The following ADGRB3 variants were observed in gnomAD, a reference collection of about 807,000 sequenced individuals.
ADGRB3 encodes the protein brain-specific angiogenesis inhibitor 3.
Under a neutral mutation model 193.4 loss-of-function variants are expected in ADGRB3, and 37 were observed. The observed-to-expected ratio is 0.19, with a 90% CI of 0.15 to 0.25. ADGRB3 has a LOEUF of 0.25. Among genes scored for constraint, ADGRB3 ranks in the 10% least tolerant of loss-of-function variants. The pLI, the probability that ADGRB3 is intolerant of heterozygous loss-of-function variation, is 1.00. For missense variants in ADGRB3, 1,637 were observed against 1,852.9 expected (o/e 0.88, Z 2.14); for synonymous variants, 690 against 644.2 (o/e 1.07, Z -1.08).
chr6:68,877,381 A>AT (rs35489989), intron 3 of ADGRB3, among the ~76,000 whole-genome samples: 129 of 150,906 alleles, frequency 8.5e-4, no homozygotes, highest in Admixed American at 8.6e-4. Flanking sequence ...AGAATTTAGG[A>AT]TTTTTTTTTT....
At chr6:68,866,848 A>G (rs1466100436) in intron 3 of ADGRB3, among the ~76,000 whole-genome samples, 2 of 152,216 alleles carry the variant, frequency 1.3e-5, no homozygotes, top group Non-Finnish European at 2.9e-5. Context: ...GATTTAGAGT[A>G]TCGGGCAGGA....
intron 17 of ADGRB3, among the ~76,000 whole-genome samples, chr6:69,168,173 A>T (rs975781329): frequency 1.3e-5 from 2 of 152,150 alleles, no homozygotes; most frequent in Admixed American, 6.6e-5. Context: ...AATAAATTAT[A>T]AGAGTCGATG....
intron 10 of ADGRB3, among the ~76,000 whole-genome samples, chr6:68,992,573 G>A (rs561390429): frequency 9.4e-4 from 143 of 152,238 alleles, no homozygotes; most frequent in African/African-American, 3.1e-3. Flanking sequence ...CTACCAAAGA[G>A]AGATGAAAAG....
chr6:69,295,470 C>T (rs1767793906), intron 20 of ADGRB3, among the ~76,000 whole-genome samples: 1 of 152,070 alleles, frequency 6.6e-6, no homozygotes, highest in African/African-American at 2.4e-5. Flanking sequence ...AGCTGAAGGA[C>T]CTGAGACTTC....
chr6:68,923,548 A>G (rs1035559017), intron 3 of ADGRB3, among the ~76,000 whole-genome samples: 2 of 152,098 alleles, frequency 1.3e-5, no homozygotes, highest in Non-Finnish European at 2.9e-5. Context: ...ATGTACCAAT[A>G]GTAGTACTAT....
intron 11 of ADGRB3, among the ~76,000 whole-genome samples, chr6:69,009,577 G>A (rs1475652190): frequency 6.6e-6 from 1 of 152,108 alleles, no homozygotes; most frequent in Admixed American, 6.6e-5. Flanking sequence ...ATATGGCCTT[G>A]CAGCCATCAA....
At chr6:68,994,335 T>G (rs1769325274) in intron 11 of ADGRB3, among the ~76,000 whole-genome samples, 1 of 152,154 alleles carries the variant, frequency 6.6e-6, no homozygotes, top group Admixed American at 6.5e-5. Flanking sequence ...TGAAAACACA[T>G]TAACTGTAAC....
At chr6:68,973,825 T>G (rs1768657644) in intron 8 of ADGRB3, among the ~76,000 whole-genome samples, 1 of 152,194 alleles carries the variant, frequency 6.6e-6, no homozygotes, top group Admixed American at 6.5e-5. Context: ...GGGACTAATA[T>G]TCTTTCACAT....
intron 17 of ADGRB3, among the ~76,000 whole-genome samples, chr6:69,202,892 G>A (rs1052971405): frequency 1.3e-5 from 2 of 152,100 alleles, no homozygotes; most frequent in South Asian, 4.1e-4. Context: ...GGCAGAGCAC[G>A]CAGGATGTGA....
At position 69,101,433 on chromosome 6, in the gene ADGRB3, C is replaced by CGT. The variant is rs59471051; in HGVS notation, c.2480+25422_2480+25423dup. On this transcript the variant is annotated intron_variant, in intron 17 of 31. Coordinates refer to ENST00000370598, the MANE Select transcript of ADGRB3 (RefSeq NM_001704.3). The stretch of plus-strand genomic sequence containing the variant: ...TGCAAATATTAGATACAGTAAGTAT[C>CGT]GTGTGTGTGTGTGTGTGTGTGTGTG... Among the ~76,000 whole-genome samples, 817 of 145,352 alleles carry CGT rather than the reference C, an allele frequency of 5.6e-3. 10 individuals are homozygous for CGT. Among genetic ancestry groups the CGT allele is most frequent in the Admixed American group, 0.019 (276 of 14,570 alleles).
intron 17 of ADGRB3, among the ~76,000 whole-genome samples, chr6:69,131,874 G>A (rs1774021967): frequency 6.6e-6 from 1 of 151,048 alleles, no homozygotes; most frequent in Non-Finnish European, 1.5e-5. Flanking sequence ...AGAACAAGCA[G>A]TGTTTGGTTT....
At chr6:69,223,652 C>CTTTTTTT (rs554027181) in intron 17 of ADGRB3, among the ~76,000 whole-genome samples, 6 of 110,396 alleles carry the variant, frequency 5.4e-5, no homozygotes, top group Admixed American at 9.8e-5. Flanking sequence ...CTCTCTCTCT[C>CTTTTTTT]TTTTTTTTTT....
At chr6:69,051,007 C>T (rs1051395348) in intron 15 of ADGRB3, among the ~76,000 whole-genome samples, 2 of 151,920 alleles carry the variant, frequency 1.3e-5, no homozygotes, top group Non-Finnish European at 2.9e-5. Flanking sequence ...CAGGTTATTC[C>T]AAGTTTTATA....
chr6:68,718,167 G>A (rs1562004428), intron 3 of ADGRB3, among the ~76,000 whole-genome samples: 1 of 151,570 alleles, frequency 6.6e-6, no homozygotes, highest in African/African-American at 2.4e-5. Flanking sequence ...ATTAAGGAAG[G>A]GTGTTTAGGG....
intron 3 of ADGRB3, among the ~76,000 whole-genome samples, chr6:68,836,272 C>T (rs579304): frequency 0.21 from 32,573 of 151,692 alleles, 4,047 homozygotes; most frequent in East Asian, 0.58. Context: ...AGGCAAGGGG[C>T]GCTGGTGTGG....
intron 3 of ADGRB3, among the ~76,000 whole-genome samples, chr6:68,647,775 G>A (rs1768250657): frequency 1.3e-5 from 2 of 151,964 alleles, no homozygotes; most frequent in African/African-American, 4.8e-5. Flanking sequence ...TGCAAAATGA[G>A]GTTTATGTTT....
chr6:69,200,002 G>A (rs762832972), intron 17 of ADGRB3, among the ~76,000 whole-genome samples: 10 of 151,920 alleles, frequency 6.6e-5, no homozygotes, highest in Non-Finnish European at 1.0e-4. Flanking sequence ...AAAGCACATC[G>A]TTCTGGCATT....
intron 13 of ADGRB3, among the ~76,000 whole-genome samples, chr6:69,031,541 C>CTT (rs1378492628): frequency 1.6e-5 from 1 of 60,844 alleles, no homozygotes; most frequent in Non-Finnish European, 3.7e-5. Flanking sequence ...TTCTTTCTTT[C>CTT]TTTCTTTCTT....
intron 17 of ADGRB3, among the ~76,000 whole-genome samples, chr6:69,136,133 C>T (rs532509199): frequency 6.6e-6 from 1 of 151,970 alleles, no homozygotes; most frequent in African/African-American, 2.4e-5. Flanking sequence ...TGGGTGTGGA[C>T]ATACATATGT....
Sources: allele counts gnomAD v4.1 joint callset (sites outside exome capture counted in the v4.1 genomes callset), GRCh38; gene constraint gnomAD v4.1.1; transcripts MANE v1.5; gene names NCBI Gene and HGNC (gene_info 2026-07-23, HGNC 2026-07-21).